Variants in MCC observed in about 807,000 individuals in gnomAD.
The protein encoded by MCC is MCC regulator of Wnt signaling pathway.
MCC carries 90 observed loss-of-function variants against 116.2 expected under a neutral mutation model. That is an observed-to-expected ratio of 0.77 (90% CI 0.65 to 0.92). The LOEUF (loss-of-function observed/expected upper bound fraction) is 0.92, where lower values mean the gene tolerates loss of function less well. Ranked by LOEUF, MCC falls within the 40% of genes least tolerant of loss-of-function variation. MCC has a pLI of 0.00. For missense variants in MCC, 1,516 were observed against 1,312.2 expected, an observed-to-expected ratio of 1.16 and a Z score of -2.40; for synonymous variants, 578 against 510.5, an observed-to-expected ratio of 1.13 and a Z score of -1.78.
intron 6 of MCC, 83 bp downstream of exon 6, chr5:113,122,601 T>C: frequency 1.3e-6 from 2 of 1,521,300 alleles, no homozygotes; most frequent in East Asian, 2.3e-5. Flanking sequence ...TAAATTTTAA[T>C]TCAGGCTGCC....
intron 5 of MCC, among the ~76,000 whole-genome samples, chr5:113,139,800 C>A (rs115303639): frequency 0.049 from 7,495 of 152,212 alleles, 635 homozygotes; most frequent in African/African-American, 0.17. Flanking sequence ...AAGACACATG[C>A]AACCTTCACC....
chr5:113,141,608 C>A (rs1203690734), intron 5 of MCC, among the ~76,000 whole-genome samples: 2 of 152,298 alleles, frequency 1.3e-5, no homozygotes, highest in African/African-American at 4.8e-5. Flanking sequence ...GTCTAAGTGC[C>A]TTCCAGCCTT....
intron 17 of MCC, among the ~76,000 whole-genome samples, chr5:113,032,468 G>A (rs1751025987): frequency 6.6e-6 from 1 of 150,914 alleles, no homozygotes; most frequent in Non-Finnish European, 1.5e-5. Context: ...TGGACATACT[G>A]GGTTACATTG....
At chr5:113,202,262 A>G (rs73244740) in intron 3 of MCC, among the ~76,000 whole-genome samples, 9,602 of 152,192 alleles carry the variant, frequency 0.063, 901 homozygotes, top group African/African-American at 0.2. Flanking sequence ...AAATAAAGCA[A>G]TCCCGGGGTT....
At chr5:113,090,721 T>A (rs1181763047) in intron 8 of MCC, among the ~76,000 whole-genome samples, 7 of 152,228 alleles carry the variant, frequency 4.6e-5, no homozygotes, top group Non-Finnish European at 8.8e-5. Context: ...ACAGAGGCTT[T>A]CAGAGGTTAA....
chr5:113,303,748 G>T (rs930794250), intron 3 of MCC, among the ~76,000 whole-genome samples: 1 of 152,120 alleles, frequency 6.6e-6, no homozygotes, highest in Non-Finnish European at 1.5e-5. Flanking sequence ...CACCTCCCAG[G>T]TTCAAGTGAT....
intron 3 of MCC, among the ~76,000 whole-genome samples, chr5:113,237,298 G>A (rs1320936165): frequency 6.6e-6 from 1 of 152,024 alleles, no homozygotes; most frequent in Non-Finnish European, 1.5e-5. Context: ...TACATTTTGG[G>A]CCATTATGCT....
At chr5:113,199,163 C>G (rs1762569562) in intron 3 of MCC, among the ~76,000 whole-genome samples, 1 of 151,916 alleles carries the variant, frequency 6.6e-6, no homozygotes, top group African/African-American at 2.4e-5. Context: ...CAGAGCGAGA[C>G]TCCGTCTCCA....
intron 3 of MCC, among the ~76,000 whole-genome samples, chr5:113,339,845 A>T (rs1459809170): frequency 2.0e-5 from 3 of 152,230 alleles, no homozygotes; most frequent in African/African-American, 7.2e-5. Context: ...TTCAGTTTCA[A>T]AAAGCCAGGT....
chr5:113,250,325 C>T (rs1271542150), intron 3 of MCC, among the ~76,000 whole-genome samples: 2 of 152,166 alleles, frequency 1.3e-5, no homozygotes, highest in Admixed American at 6.5e-5. Context: ...AAACGTCCAA[C>T]GTGGGAAAAC....
chr5:113,125,420 A>C (rs1403920925), intron 5 of MCC, among the ~76,000 whole-genome samples: 1 of 152,210 alleles, frequency 6.6e-6, no homozygotes, highest in Non-Finnish European at 1.5e-5. Flanking sequence ...TGTGCCACAA[A>C]GAGTGAGGTA....
At chr5:113,161,580 A>G (rs1051630537) in intron 3 of MCC, among the ~76,000 whole-genome samples, 7 of 151,758 alleles carry the variant, frequency 4.6e-5, no homozygotes, top group African/African-American at 1.7e-4. Context: ...GATTAAGGAC[A>G]ATACTTTTTG....
At chr5:113,087,670 T>A (rs1159046110) in intron 8 of MCC, among the ~76,000 whole-genome samples, 2 of 152,162 alleles carry the variant, frequency 1.3e-5, no homozygotes, top group African/African-American at 4.8e-5. Context: ...AGGTCCTGAA[T>A]AATTAACAAT....
At chr5:113,351,239 T>A (rs376478760) in intron 2 of MCC, among the ~76,000 whole-genome samples, 52 of 152,286 alleles carry the variant, frequency 3.4e-4, no homozygotes, top group Middle Eastern at 3.4e-3. Flanking sequence ...TACACTCCCA[T>A]GTTCATTGCA....
intron 3 of MCC, among the ~76,000 whole-genome samples, chr5:113,296,313 T>G (rs1187383857): frequency 6.6e-6 from 1 of 152,194 alleles, no homozygotes; most frequent in Non-Finnish European, 1.5e-5. Flanking sequence ...TTTATAGACT[T>G]GTAAAACATG....
At position 113,219,154 on chromosome 5, in the gene MCC, AT is replaced by A. The variant is rs1244522620; in HGVS notation, c.628-67733del. Among the ~76,000 whole-genome samples, 3 of 152,376 alleles carry A rather than the reference AT, an allele frequency of 2.0e-5. No individual in the cohort carries two copies. In the East Asian group the frequency reaches 5.8e-4, roughly 29 times the overall value. The stretch of plus-strand genomic sequence containing the variant: ...CCAGAATAAAACACCCGAGAAGATA[AT>A]AACAAGTTCGCTGCTTTTCCTTTTG... On this transcript the variant is annotated intron_variant, in intron 3 of 18. Coordinates refer to ENST00000408903, the MANE Select transcript of MCC (RefSeq NM_001085377.2).
At chr5:113,180,329 G>A (rs1224997292) in intron 3 of MCC, among the ~76,000 whole-genome samples, 1 of 151,954 alleles carries the variant, frequency 6.6e-6, no homozygotes, top group Non-Finnish European at 1.5e-5. Context: ...AGTGCTTCCA[G>A]CTCAGAAATC....
At chr5:113,102,425 C>T (rs1477764020) in intron 7 of MCC, among the ~76,000 whole-genome samples, 1 of 152,226 alleles carries the variant, frequency 6.6e-6, no homozygotes, top group Non-Finnish European at 1.5e-5. Flanking sequence ...AGATAGGTCA[C>T]ATTACCATTT....
intron 3 of MCC, among the ~76,000 whole-genome samples, chr5:113,281,259 C>G (rs563090650): frequency 2.0e-5 from 3 of 152,336 alleles, no homozygotes; most frequent in South Asian, 4.1e-4. Flanking sequence ...TTCCAGTTAA[C>G]CAATTGCAAC....
Sources: allele counts gnomAD v4.1 joint callset (sites outside exome capture counted in the v4.1 genomes callset), GRCh38; gene constraint gnomAD v4.1.1; transcripts MANE v1.5; gene names NCBI Gene and HGNC (gene_info 2026-07-23, HGNC 2026-07-21).